CENPE: variants seen among roughly 807,000 people sequenced by gnomAD.
The protein encoded by CENPE is centromere-associated protein E.
A neutral mutation model predicts 336.1 loss-of-function variants in CENPE; 145 were observed. That is an observed-to-expected ratio of 0.43 (90% CI 0.38 to 0.50). The LOEUF (loss-of-function observed/expected upper bound fraction) is 0.50. Ranked by LOEUF, CENPE falls within the 20% of genes least tolerant of loss-of-function variation. The pLI is 0.00. For missense variants in CENPE, 2,719 were observed against 3,023.3 expected (o/e 0.90, Z 2.36); for synonymous variants, 1,013 against 984.8 (o/e 1.03, Z -0.54).
intron 44 of CENPE, among the ~76,000 whole-genome samples, chr4:103,118,771 C>G (rs1750362392): frequency 6.6e-6 from 1 of 152,144 alleles, no homozygotes; most frequent in African/African-American, 2.4e-5. Flanking sequence ...ATTAGTTGAT[C>G]AGACTATCCT....
chr4:103,151,085 C>A, intron 26 of CENPE, 134 bp downstream of exon 26: 4 of 755,860 alleles, frequency 5.3e-6, no homozygotes, highest in South Asian at 1.8e-5. Flanking sequence ...TAAAATTGTC[C>A]AAAATACTAG....
intron 9 of CENPE, among the ~76,000 whole-genome samples, chr4:103,184,360 C>T (rs1382480372): frequency 6.6e-6 from 1 of 152,194 alleles, no homozygotes; most frequent in East Asian, 1.9e-4. Context: ...GCATTATGAA[C>T]TATTCATTTA....
rs758473692 is a variant in CENPE at position 103,140,248 on chromosome 4, A to G, written c.5913+8T>C. On this transcript the variant is annotated splice_region_variant and intron_variant, in intron 37 of 48. Coordinates refer to ENST00000265148, the MANE Select transcript of CENPE (RefSeq NM_001813.3). ...TTACTTCCAAAAGAAGAACAAAACA[A>G]CACATACCTTTTTCTGTAATTCATC... The G allele has an allele frequency of 1.3e-6, 2 of 1,586,666 alleles. No homozygotes were observed. Among genetic ancestry groups the G allele is most frequent in the South Asian group, 2.3e-5 (2 of 85,328 alleles).
intron 32 of CENPE, 98 bp from the exon 33 acceptor site, chr4:103,144,716 C>A: frequency 3.8e-6 from 3 of 779,710 alleles, no homozygotes; most frequent in Non-Finnish European, 6.1e-6. Flanking sequence ...ACATTGTAAT[C>A]TAATGTATGT....
In CENPE at chr4:103,119,581, G is replaced by A. The variant is rs186139162; in HGVS notation, c.7329+567C>T. On this transcript the variant is annotated intron_variant, in intron 44 of 48. Transcript: ENST00000265148. ...TTTTAACTGGAGAGAAAAGACACTG[G>A]AGCAGAACAGCAAATTTAAATATGC... Among the ~76,000 whole-genome samples the A allele has an allele frequency of 2.8e-4, 43 of 152,256 alleles. 1 individual carries two copies.
chr4:103,116,606 T>C lies in CENPE; in HGVS notation c.7413A>G (p.Lys2471=), dbSNP rs144350442. ...KMKLVKIDLE[K]MKNAKEFEKE... is the part of the protein sequence containing the mutation. Reference sequence around the variant, plus strand: ...TTTCAAATTCTTTGGCATTTTTCATTTTCTCTAGGTCTATTTTCACAAGCT... The same window carrying C: ...TTTCAAATTCTTTGGCATTTTTCATCTTCTCTAGGTCTATTTTCACAAGCT... Residue 2471 remains lysine (K), a synonymous_variant, in exon 45 of 49, where the codon AAA becomes AAG. Transcript: ENST00000265148. The C allele has an allele frequency of 5.7e-6, 9 of 1,575,880 alleles. No individual in the cohort carries two copies. The African/African-American group carries it at 1.2e-4, about 22-fold the overall frequency.
chr4:103,176,736 A>AT (rs1422466076), intron 14 of CENPE, among the ~76,000 whole-genome samples, 163 bp downstream of exon 14: 5 of 152,048 alleles, frequency 3.3e-5, no homozygotes, highest in Admixed American at 1.3e-4. Context: ...GTTTTTTTGT[A>AT]TTTTTAGAAT....
intron 8 of CENPE, among the ~76,000 whole-genome samples, chr4:103,191,205 TA>T (rs1347050388): frequency 6.6e-6 from 1 of 152,186 alleles, no homozygotes; most frequent in Non-Finnish European, 1.5e-5. Context: ...GGTGGGACTG[TA>T]AACTACTTCA....
Position 103,145,033 on chromosome 4 carries a change from A to G in CENPE, c.4857+17T>C. On this transcript the variant is annotated intron_variant, in intron 32 of 48. Coordinates refer to ENST00000265148, the MANE Select transcript of CENPE (RefSeq NM_001813.3). Reference sequence around the variant, plus strand: ...ATTTCTGTATCCAAAAAAAAAAAAAATAAGATGGGAACTTACTTTAGCTAC... The same window carrying G: ...ATTTCTGTATCCAAAAAAAAAAAAAGTAAGATGGGAACTTACTTTAGCTAC... The G allele has an allele frequency of 2.7e-6, 4 of 1,477,788 alleles. No homozygotes were observed. Among genetic ancestry groups the G allele is most frequent in the Non-Finnish European group, 2.7e-6 (3 of 1,115,066 alleles). The allele number at this position is 1,477,788 out of a possible 1,614,324, so 91.5% of individuals were successfully genotyped here. A position where few individuals can be genotyped will look rare whatever the true frequency, so the allele number is the denominator to read the frequency against.
intron 11 of CENPE, 29 bp from the exon 12 acceptor site, chr4:103,181,485 G>A (rs781756953): frequency 6.6e-7 from 1 of 1,523,820 alleles, no homozygotes; most frequent in Non-Finnish European, 8.7e-7. Flanking sequence ...AGTGCTAAGT[G>A]TTCAACACTT....
In CENPE at chr4:103,140,074, T is replaced by C. The variant is rs747328258; in HGVS notation, c.5919A>G (p.Gln1973=). 1.3e-6 allele frequency: 2 copies of C among 1,598,098 alleles called. No homozygotes were observed. The highest frequency in any genetic ancestry group is 1.7e-6 in the Non-Finnish European group (2 of 1,174,034). The part of the protein sequence containing the change: ...KSKDELQKKI[Q]ELQKKELQLL... ...GTTGAAGTTCTTTTTTCTGAAGTTC[T>C]TGGATCTTGAGATAATTGTAAAACA... The change falls in exon 38 of 49, where the codon CAA becomes CAG. Residue 1973 remains glutamine (Q), a synonymous_variant. Transcript: ENST00000265148.
At position 103,149,170 on chromosome 4, in the gene CENPE, A is replaced by G. The variant is rs778897168; in HGVS notation, c.3635T>C (p.Phe1212Ser). 2.5e-6 allele frequency: 4 copies of G among 1,609,272 alleles called. No homozygotes were observed. In the Admixed American group the frequency reaches 5.1e-5, roughly 20 times the overall value. The change falls in exon 27 of 49, where the codon TTT (phenylalanine) becomes TCT (serine). Residue 1212 changes from phenylalanine to serine, a missense_variant. By Grantham distance (155) the Phe-to-Ser change is radical. This residue lies in a region of CENPE where 2,437 missense variants were observed against 2,513.3 expected (regional missense o/e 0.97). Transcript: ENST00000265148. ...RKVLKELQKS[F>S]ETERDHLRGY... ...TCTAAGGTGGTCTCTCTCTGTTTCA[A>G]ATGACTTCTGTAATTCCTTTAGAAC...
intron 29 of CENPE, among the ~76,000 whole-genome samples, chr4:103,146,326 A>G (rs1348861568): frequency 6.6e-6 from 1 of 152,236 alleles, no homozygotes; most frequent in Admixed American, 6.5e-5. Flanking sequence ...GGCTGGAGAC[A>G]AAATGATGAG....
In CENPE at chr4:103,158,660, A is replaced by G. The variant is rs1183888904; in HGVS notation, c.2828T>C (p.Ile943Thr). ...ATCACTTTTGAGTTGGTCCCTCTCA[A>G]TTTGCAAGCTTTCTTGGAGTTGTTT... ...DLKQLQESLQ[I>T]ERDQLKSDIH... Residue 943 changes from isoleucine (I) to threonine (T), a missense_variant, in exon 23 of 49, where the codon ATT becomes ACT. Around this residue, in one of 5 missense-constraint regions of CENPE, gnomAD observed 2,437 missense variants for 2,513.3 expected, o/e 0.97. Transcript: ENST00000265148. 6.2e-7 allele frequency: 1 copy of G among 1,610,364 alleles called. No homozygotes were observed. Among genetic ancestry groups the G allele is most frequent in the Non-Finnish European group, 8.5e-7 (1 of 1,178,888 alleles).
intron 42 of CENPE, among the ~76,000 whole-genome samples, chr4:103,127,619 A>G (rs1392949593): frequency 6.6e-6 from 1 of 152,178 alleles, no homozygotes; most frequent in African/African-American, 2.4e-5. Context: ...AATAACGGCA[A>G]TGATACAATG....
chr4:103,130,148 TG>T (rs1301932529), intron 42 of CENPE, among the ~76,000 whole-genome samples: 3 of 152,184 alleles, frequency 2.0e-5, no homozygotes, highest in African/African-American at 7.2e-5. Flanking sequence ...AACACTGTAC[TG>T]GAAGTCCAAA....
At chr4:103,108,635 G>A (rs1333101022) in intron 48 of CENPE, among the ~76,000 whole-genome samples, 168 bp downstream of exon 48, 1 of 152,076 alleles carries the variant, frequency 6.6e-6, no homozygotes, top group African/African-American at 2.4e-5. Context: ...CACTGTGTGG[G>A]GTGCCTTGGA....
Position 103,159,234 on chromosome 4 carries a change from C to T in CENPE, c.2377G>A (p.Gly793Ser), listed in dbSNP as rs376748245. 6.2e-7 allele frequency: 1 copy of T among 1,611,484 alleles called. No homozygotes were observed. Among genetic ancestry groups the T allele is most frequent in the African/African-American group, 1.3e-5 (1 of 74,904 alleles). ...GTTTTCCCAATTTCTTCAAGTAAAC[C>T]TTGAACTCTACTCTCCTTATGAACT... is the stretch of plus-strand genomic sequence containing the variant. ...EVVHKESRVQ[G>S]LLEEIGKTKD... Residue 793 changes from glycine to serine, a missense_variant, in exon 22 of 49, where the codon GGT (glycine) becomes AGT (serine). Transcript: ENST00000265148.
Position 103,194,617 on chromosome 4 carries a change from A to G in CENPE, c.545T>C (p.Ile182Thr). The G allele has an allele frequency of 6.2e-7, 1 of 1,608,008 alleles. No homozygotes were observed. The change falls in exon 6 of 49, where the codon ATT becomes ACT. Residue 182 changes from isoleucine (I) to threonine (T), a missense_variant. Transcript: ENST00000265148. ...TAAAGTCTTACTTTCTCCCTTTGTA[A>G]TCCATTTCAAAGCCATTTCTGATGT... ...VYTSEMALKW[I>T]TKGEKSRHYG...
Sources: gnomAD v4.1 joint callset for allele counts (sites outside exome capture counted in the v4.1 genomes callset) on GRCh38, gnomAD v4.1.1 for gene constraint, gnomAD v4.1.1 regional missense constraint, MANE v1.5 for transcripts, NCBI Gene and HGNC (gene_info 2026-07-23, HGNC 2026-07-21) for gene names.